TRIL: variants seen among roughly 807,000 people sequenced by gnomAD.
TRIL encodes the protein TLR4 interactor with leucine rich repeats.
In TRIL, 23 loss-of-function variants were observed where a neutral mutation model predicts 43.0. The ratio of observed to expected loss-of-function variants is 0.54; its 90% CI spans 0.39 to 0.76. The LOEUF is 0.76. Among genes scored for constraint, TRIL ranks in the 30% least tolerant of loss-of-function variants. TRIL has a pLI of 0.00. For missense variants in TRIL, 1,114 were observed against 1,139.3 expected (o/e 0.98, Z 0.32); for synonymous variants, 602 against 556.8 (o/e 1.08, Z -1.14).
At position 28,954,959 on chromosome 7, in the gene TRIL, A is replaced by T. The variant is rs1246547468; in HGVS notation, c.*652T>A. The T allele has an allele frequency of 6.6e-6, 1 of 152,102 alleles. No individual in the cohort carries two copies. The highest frequency in any genetic ancestry group is 1.5e-5 in the Non-Finnish European group (1 of 68,026). 9.4% of individuals were successfully genotyped at this position (152,102 alleles called of 1,614,324 possible). A position where few individuals can be genotyped will look rare whatever the true frequency, so the allele number is the denominator to read the frequency against. ...AATAAAATGGCCCAGTCCAACTAAA[A>T]CAGTCCTTGAGTCTATTGGTCAGTT... is the stretch of plus-strand genomic sequence containing the variant. On this transcript the variant is annotated 3_prime_UTR_variant, in exon 1 of 1. Transcript: ENST00000539664.
In TRIL at chr7:28,956,469, G is replaced by C. The variant is rs777095882; in HGVS notation, c.1578C>G (p.Ala526=). 1 of 1,553,424 alleles carries C rather than the reference G, an allele frequency of 6.4e-7. No individual in the cohort carries two copies. The highest frequency in any genetic ancestry group is 8.6e-7 in the Non-Finnish European group (1 of 1,157,112). The change falls in exon 1 of 1, where the codon GCC becomes GCG. Residue 526 remains alanine (A), a synonymous_variant. Coordinates refer to ENST00000539664, the MANE Select transcript of TRIL (RefSeq NM_014817.4). The part of the protein sequence containing the change: ...QRGRPTRADP[A]LAEPTPTASP... ...AGGCCGTTGGGGTGGGCTCCGCGAG[G>C]GCGGGATCTGCCCGAGTCGGACGGC...
Position 28,957,395 on chromosome 7 carries a change from A to G in TRIL, c.652T>C (p.Ser218Pro). ...GCGAAGGTGGCCGCGTGGCGCAGGGAGGGCTGTAGCTCGTTGGCAGAGAGG... is the reference window on the plus strand; with the variant it reads ...GCGAAGGTGGCCGCGTGGCGCAGGGGGGGCTGTAGCTCGTTGGCAGAGAGG... ...LNLSANELQP[S>P]LRHAATFAPL... The change falls in exon 1 of 1, where the codon TCC becomes CCC. Residue 218 changes from serine to proline, a missense_variant. Ser to Pro is a moderately conservative substitution (Grantham distance 74). Transcript: ENST00000539664. The G allele has an allele frequency of 1.2e-6, 2 of 1,613,456 alleles. No individual in the cohort carries two copies. The highest frequency in any genetic ancestry group is 1.7e-6 in the Non-Finnish European group (2 of 1,179,844).
chr7:28,956,211 G>A lies in TRIL; in HGVS notation c.1836C>T (p.Pro612=). The change falls in exon 1 of 1, where the codon CCC becomes CCT. Residue 612 remains proline (P), a synonymous_variant. Transcript: ENST00000539664. ...GGAAGCGCGCGCCGCCCAGCGGCCG[G>A]GGACTGCGGTGCTCGCGCACGGCCC... ...VRWAVREHRS[P]RPLGGARFRL... is the part of the protein sequence containing the mutation. 2 of 1,560,896 alleles carry A rather than the reference G, an allele frequency of 1.3e-6. No individual in the cohort carries two copies. Among genetic ancestry groups the A allele is most frequent in the Non-Finnish European group, 8.7e-7 (1 of 1,155,204 alleles).
rs1369023099 is a variant in TRIL, at chr7:28,955,842, C to T, written c.2205G>A (p.Pro735=). ...TGGAGTACATGTGCCGAACGTGGAC[C>T]GGGGCCCCGCCCTTCCGCCTAGCCC... is the stretch of plus-strand genomic sequence containing the variant. ...KLRARRKGGA[P]VHVRHMYSTR... Residue 735 remains proline, a synonymous_variant, in exon 1 of 1, where the codon CCG becomes CCA. Coordinates refer to ENST00000539664, the MANE Select transcript of TRIL (RefSeq NM_014817.4). 2 of 1,549,656 alleles carry T rather than the reference C, an allele frequency of 1.3e-6. No homozygotes were observed. Among genetic ancestry groups the T allele is most frequent in the Non-Finnish European group, 1.7e-6 (2 of 1,146,752 alleles).
chr7:28,958,158 T>G lies in TRIL; in HGVS notation c.-112A>C. 1 of 1,362,174 alleles carries G rather than the reference T, an allele frequency of 7.3e-7. No homozygotes were observed. The highest frequency in any genetic ancestry group is 9.7e-7 in the Non-Finnish European group (1 of 1,036,086). 84.4% of individuals were successfully genotyped at this position (1,362,174 alleles called of 1,614,324 possible). On this transcript the variant is annotated 5_prime_UTR_variant, in exon 1 of 1. Transcript: ENST00000539664. ...AGTCGCTAAATGGCCTCTTTCGGAC[T>G]TCGCAGCGCCGTCCAGCCCCTCCTC...
In TRIL at chr7:28,957,987, C is replaced by T; in HGVS notation, c.60G>A (p.Pro20=). Residue 20 remains proline (P), a synonymous_variant, in exon 1 of 1, where the codon CCG becomes CCA. Coordinates refer to ENST00000539664, the MANE Select transcript of TRIL (RefSeq NM_014817.4). The part of the protein sequence containing the change: ...LLVVCGCLAL[P]PLAEPVCPER... ...CCGGGCACACGGGCTCGGCCAGCGG[C>T]GGGAGCGCGAGGCAGCCGCACACCA... 2 of 1,599,726 alleles carry T rather than the reference C, an allele frequency of 1.3e-6. No homozygotes were observed. Among genetic ancestry groups the T allele is most frequent in the South Asian group, 2.2e-5 (2 of 90,804 alleles).
chr7:28,955,055 T>C lies in TRIL; in HGVS notation c.*556A>G, dbSNP rs1355235953. The C allele has an allele frequency of 1.3e-5, 2 of 152,784 alleles. No individual in the cohort carries two copies. Among genetic ancestry groups the C allele is most frequent in the African/African-American group, 4.8e-5 (2 of 41,474 alleles). 9.5% of individuals were successfully genotyped at this position (152,784 alleles called of 1,614,324 possible). ...TCTCTTATTAAACTTTAAGGTATCC[T>C]GAATGCTCTATCAGCCAACATAAAC... On this transcript the variant is annotated 3_prime_UTR_variant, in exon 1 of 1. Coordinates refer to ENST00000539664, the MANE Select transcript of TRIL (RefSeq NM_014817.4).
Position 28,956,281 on chromosome 7 carries a change from T to G in TRIL, c.1766A>C (p.Asn589Thr). ...PCDFNKFILC[N>T]LTVEAVGADS... ...TGCGCCCACCGCCTCCACCGTCAGG[T>G]TGCACAGAATGAACTTGTTGAAGTC... The change falls in exon 1 of 1, where the codon AAC becomes ACC. Residue 589 changes from asparagine to threonine, a missense_variant. Transcript: ENST00000539664. 6.5e-7 allele frequency: 1 copy of G among 1,548,728 alleles called. No individual in the cohort carries two copies. The highest frequency in any genetic ancestry group is 8.7e-7 in the Non-Finnish European group (1 of 1,151,894).
Position 28,957,757 on chromosome 7 carries a change from G to C in TRIL, c.290C>G (p.Ser97Cys). 1 of 1,613,920 alleles carries C rather than the reference G, an allele frequency of 6.2e-7. No individual in the cohort carries two copies. Among genetic ancestry groups the C allele is most frequent in the Non-Finnish European group, 8.5e-7 (1 of 1,179,840 alleles). Residue 97 changes from serine to cysteine, a missense_variant, in exon 1 of 1, where the codon TCT (serine) becomes TGT (cysteine). Transcript: ENST00000539664. ...RLDLQYNQIR[S>C]LHPKTFEKLS... is the part of the protein sequence containing the mutation. ...CTTCTCGAAGGTCTTGGGGTGCAGA[G>C]AGCGGATCTGGTTGTACTGCAGGTC...
In TRIL at chr7:28,955,083, G is replaced by A. The variant is rs1783376328; in HGVS notation, c.*528C>T. The A allele has an allele frequency of 6.5e-6, 1 of 153,712 alleles. No individual in the cohort carries two copies. The highest frequency in any genetic ancestry group is 2.4e-5 in the African/African-American group (1 of 41,432). The allele number at this position is 153,712 out of a possible 1,614,324, so 9.5% of individuals were successfully genotyped here. ...ATGCTCTATCAGCCAACATAAACGA[G>A]TTCCTTGGCGGGTATGTTAAACTTT... On this transcript the variant is annotated 3_prime_UTR_variant, in exon 1 of 1. Coordinates refer to ENST00000539664, the MANE Select transcript of TRIL (RefSeq NM_014817.4).
Position 28,957,906 on chromosome 7 carries a change from G to T in TRIL, c.141C>A (p.Arg47=), listed in dbSNP as rs754261518. Residue 47 remains arginine (R), a synonymous_variant, in exon 1 of 1, where the codon CGC becomes CGA. Transcript: ENST00000539664. ...GCAGCGAGCTGGTCTTGGGCACTAC[G>T]CGGAGCCCCCTGTTGGTGCACAGGA... ...QHLLCTNRGL[R]VVPKTSSLPS... 1.9e-5 allele frequency: 31 copies of T among 1,612,532 alleles called. No individual in the cohort carries two copies. The Admixed American group carries it at 4.0e-4, about 21-fold the overall frequency.
chr7:28,957,764 T>A lies in TRIL; in HGVS notation c.283A>T (p.Ile95Phe). The A allele has an allele frequency of 6.2e-7, 1 of 1,613,948 alleles. No individual in the cohort carries two copies. Among genetic ancestry groups the A allele is most frequent in the Non-Finnish European group, 8.5e-7 (1 of 1,179,868 alleles). ...LRRLDLQYNQIRSLHPKTFEK... is the reference protein window; with the variant it reads ...LRRLDLQYNQFRSLHPKTFEK... Reference sequence around the variant, plus strand: ...AAGGTCTTGGGGTGCAGAGAGCGGATCTGGTTGTACTGCAGGTCCAGCCGT... The same window carrying A: ...AAGGTCTTGGGGTGCAGAGAGCGGAACTGGTTGTACTGCAGGTCCAGCCGT... The change falls in exon 1 of 1, where the codon ATC (isoleucine) becomes TTC (phenylalanine). Residue 95 changes from isoleucine (I) to phenylalanine (F), a missense_variant. By Grantham distance (21) the Ile-to-Phe change is conservative. Transcript: ENST00000539664.
chr7:28,957,320 G>T lies in TRIL; in HGVS notation c.727C>A (p.His243Asn). The change falls in exon 1 of 1, where the codon CAC (histidine) becomes AAC (asparagine). Residue 243 changes from histidine to asparagine, a missense_variant. Transcript: ENST00000539664. ...SLILSANNLQHLGPRIFQHLP... is the reference protein window; with the variant it reads ...SLILSANNLQNLGPRIFQHLP... ...TGCTGGAAGATGCGCGGCCCGAGGT[G>T]CTGCAGGTTGTTGGCCGAGAGGATG... 2 of 1,612,224 alleles carry T rather than the reference G, an allele frequency of 1.2e-6. No homozygotes were observed. The highest frequency in any genetic ancestry group is 1.7e-6 in the Non-Finnish European group (2 of 1,179,774).
rs1327354161 is a variant in TRIL at position 28,954,659 on chromosome 7, C to G, written c.*952G>C. ...TAAGAAGTAATGCATCACATTTATT[C>G]CAATCTAAACACACTGTCACAGATG... is the stretch of plus-strand genomic sequence containing the variant. On this transcript the variant is annotated 3_prime_UTR_variant, in exon 1 of 1. Transcript: ENST00000539664. The G allele has an allele frequency of 6.6e-6, 1 of 152,186 alleles. No homozygotes were observed. The allele number at this position is 152,186 out of a possible 1,614,324, so 9.4% of individuals were successfully genotyped here.
chr7:28,958,295 T>A lies in TRIL; in HGVS notation c.-249A>T. 1 of 466,900 alleles carries A rather than the reference T, an allele frequency of 2.1e-6. No individual in the cohort carries two copies. Among genetic ancestry groups the A allele is most frequent in the Non-Finnish European group, 3.8e-6 (1 of 264,272 alleles). The allele number at this position is 466,900 out of a possible 1,614,324, so 28.9% of individuals were successfully genotyped here. A position where few individuals can be genotyped will look rare whatever the true frequency, so the allele number is the denominator to read the frequency against. ...GGGTACTACTTGTTGCATTTCTGTA[T>A]AAAACTGTTTCTCCGGGTGCGCGTC... On this transcript the variant is annotated 5_prime_UTR_variant, in exon 1 of 1. Transcript: ENST00000539664.
rs1207560963 is a variant in TRIL, at chr7:28,955,568, C to T, written c.*43G>A. On this transcript the variant is annotated 3_prime_UTR_variant, in exon 1 of 1. Transcript: ENST00000539664. ...TGGGCTGGTGGGCCTCACGGAGAGGCGGCTCCTTAGGGCCAATGAGATGGT... is the reference window on the plus strand; with the variant it reads ...TGGGCTGGTGGGCCTCACGGAGAGGTGGCTCCTTAGGGCCAATGAGATGGT... 2.1e-6 allele frequency: 3 copies of T among 1,456,170 alleles called. No individual in the cohort carries two copies. The highest frequency in any genetic ancestry group is 2.5e-5 in the Admixed American group (1 of 40,394). The allele number at this position is 1,456,170 out of a possible 1,614,324, so 90.2% of individuals were successfully genotyped here. A position where few individuals can be genotyped will look rare whatever the true frequency, so the allele number is the denominator to read the frequency against.
In TRIL at chr7:28,958,090, C is replaced by T. The variant is rs1222786096; in HGVS notation, c.-44G>A. 1.4e-6 allele frequency: 2 copies of T among 1,464,852 alleles called. No homozygotes were observed. Among genetic ancestry groups the T allele is most frequent in the African/African-American group, 1.4e-5 (1 of 69,842 alleles). 90.7% of individuals were successfully genotyped at this position (1,464,852 alleles called of 1,614,324 possible). A position where few individuals can be genotyped will look rare whatever the true frequency, so the allele number is the denominator to read the frequency against. On this transcript the variant is annotated 5_prime_UTR_variant, in exon 1 of 1. Coordinates refer to ENST00000539664, the MANE Select transcript of TRIL (RefSeq NM_014817.4). ...CAGCGGCCGGATCGTCCTCTTGGCCCGCCGGCTCTGTGTCTCCTCTGCATT... is the reference window on the plus strand; with the variant it reads ...CAGCGGCCGGATCGTCCTCTTGGCCTGCCGGCTCTGTGTCTCCTCTGCATT...
In TRIL at chr7:28,957,091, G is replaced by GC; in HGVS notation, c.955dup (p.Ala319GlyfsTer88). The GC allele has an allele frequency of 6.4e-7, 1 of 1,572,686 alleles. No individual in the cohort carries two copies. The highest frequency in any genetic ancestry group is 8.6e-7 in the Non-Finnish European group (1 of 1,162,392). On this transcript the variant is annotated frameshift_variant, in exon 1 of 1. Coordinates refer to ENST00000539664, the MANE Select transcript of TRIL (RefSeq NM_014817.4). LOFTEE classifies it high-confidence loss of function. Reference sequence around the variant, plus strand: ...CAGCCGGCCCAGGTGGCCGAAGGTGGCCGGGTGCAGGGCGGACAGCTCATT... The same window carrying GC: ...CAGCCGGCCCAGGTGGCCGAAGGTGGCCCGGGTGCAGGGCGGACAGCTCATT...
chr7:28,957,184 C>A lies in TRIL; in HGVS notation c.863G>T (p.Arg288Leu). The A allele has an allele frequency of 6.3e-7, 1 of 1,597,884 alleles. No individual in the cohort carries two copies. ...ALRELRLEGN[R>L]LSQLPTALLE... is the part of the protein sequence containing the mutation. Reference sequence around the variant, plus strand: ...CAGCGCAGTTGGCAGCTGGCTCAGCCGATTACCCTCCAGGCGCAGCTCGCG... The same window carrying A: ...CAGCGCAGTTGGCAGCTGGCTCAGCAGATTACCCTCCAGGCGCAGCTCGCG... The change falls in exon 1 of 1, where the codon CGG becomes CTG. Residue 288 changes from arginine to leucine, a missense_variant. By Grantham distance (102) the Arg-to-Leu change is moderately radical (BLOSUM62 -2). Coordinates refer to ENST00000539664, the MANE Select transcript of TRIL (RefSeq NM_014817.4).
Sources: allele counts gnomAD v4.1 joint callset, GRCh38; gene constraint gnomAD v4.1.1; transcripts MANE v1.5; gene names NCBI Gene and HGNC (gene_info 2026-07-23, HGNC 2026-07-21).